CEP250: variants seen among roughly 807,000 people sequenced by gnomAD.
CEP250 encodes centrosomal protein 250.
Under a neutral mutation model 315.7 loss-of-function variants are expected in CEP250, and 242 were observed. That is an observed-to-expected ratio of 0.77 (90% CI 0.69 to 0.85). CEP250 has a LOEUF of 0.85. Among genes scored for constraint, CEP250 ranks in the 40% least tolerant of loss-of-function variants. CEP250 has a pLI of 0.00. For synonymous variants in CEP250, 1,088 were observed against 1,175.0 expected, an observed-to-expected ratio of 0.93 and a Z score of 1.51; for missense variants, 2,515 against 2,886.4, an observed-to-expected ratio of 0.87 and a Z score of 2.95.
At position 35,500,120 on chromosome 20, in the gene CEP250, CCA is replaced by C; in HGVS notation, c.3854_3855del (p.Thr1285ArgfsTer18). The part of the protein sequence containing the change: ...TDTEAEKSQV[H>X]TELQDLQRQL... ...ATACTGAGGCTGAGAAGAGCCAGGT[CCA>C]CACAGAGTTGCAGGATCTGCAGAGA... On this transcript the variant is annotated frameshift_variant, in exon 28 of 35. Transcript: ENST00000397527. LOFTEE classifies it high-confidence loss of function. The C allele has an allele frequency of 6.2e-7, 1 of 1,613,580 alleles. No individual in the cohort carries two copies. Among genetic ancestry groups the C allele is most frequent in the Middle Eastern group, 1.7e-4 (1 of 6,058 alleles).
rs373402225 is a variant in CEP250, at chr20:35,511,272, A to G, written c.7066-91A>G. The stretch of plus-strand genomic sequence containing the variant: ...TAGAGTTGATTCAGATGATCAGCCA[A>G]CGAGCTTCAGAGAACACAGAGCAGG... On this transcript the variant is annotated intron_variant, in intron 34 of 34. Coordinates refer to ENST00000397527, the MANE Select transcript of CEP250 (RefSeq NM_007186.6). 56 of 1,141,490 alleles carry G rather than the reference A, an allele frequency of 4.9e-5. 2 individuals are homozygous for G. In the African/African-American group the frequency reaches 4.9e-4, roughly 10 times the overall value. The allele number at this position is 1,141,490 out of a possible 1,614,324, so 70.7% of individuals were successfully genotyped here. A position where few individuals can be genotyped will look rare whatever the true frequency, so the allele number is the denominator to read the frequency against.
intron 25 of CEP250, 121 bp downstream of exon 25, chr20:35,496,836 T>C (rs2063850562): frequency 6.8e-5 from 76 of 1,115,998 alleles, no homozygotes; most frequent in Non-Finnish European, 9.4e-5. Context: ...GATTACAGGA[T>C]AGGCTGGTGC....
At position 35,473,557 on chromosome 20, in the gene CEP250, G is replaced by A; in HGVS notation, c.1388+5G>A. 1 of 1,605,596 alleles carries A rather than the reference G, an allele frequency of 6.2e-7. No homozygotes were observed. The highest frequency in any genetic ancestry group is 2.2e-5 in the East Asian group (1 of 44,726). ...AGAGGTGGACTCTCTCAGCAAGTGA[G>A]CAGACGGGCTGTTCATCCCACCCTC... On this transcript the variant is annotated splice_donor_5th_base_variant and intron_variant, in intron 13 of 34. Transcript: ENST00000397527.
rs2062774291 is a variant in CEP250, at chr20:35,462,320, C to T, written c.-48C>T. On this transcript the variant is annotated 5_prime_UTR_variant, in exon 4 of 35. Coordinates refer to ENST00000397527, the MANE Select transcript of CEP250 (RefSeq NM_007186.6). ...GGTTAGAGACCCTGCTGGGCGTGAA[C>T]ACCCTCTGGCTACCTAGGGACCTGT... is the stretch of plus-strand genomic sequence containing the variant. The T allele has an allele frequency of 6.7e-7, 1 of 1,489,680 alleles. No individual in the cohort carries two copies. Among genetic ancestry groups the T allele is most frequent in the Non-Finnish European group, 9.1e-7 (1 of 1,099,102 alleles). The allele number at this position is 1,489,680 out of a possible 1,614,324, so 92.3% of individuals were successfully genotyped here. A position where few individuals can be genotyped will look rare whatever the true frequency, so the allele number is the denominator to read the frequency against.
rs1317371674 is a variant in CEP250, at chr20:35,518,238, C to T, written c.*6612C>T. On this transcript the variant is annotated 3_prime_UTR_variant, in exon 35 of 35. Coordinates refer to ENST00000397527, the MANE Select transcript of CEP250 (RefSeq NM_007186.6). ...CGGGTCCAGTATCTGGACACGAGGC[C>T]GCACTACCTACACCTTTGGGGATTC... 1.3e-5 allele frequency: 2 copies of T among 151,806 alleles called. No homozygotes were observed. The highest frequency in any genetic ancestry group is 2.9e-5 in the Non-Finnish European group (2 of 67,974). 9.4% of individuals were successfully genotyped at this position (151,806 alleles called of 1,614,324 possible).
At position 35,511,336 on chromosome 20, in the gene CEP250, C is replaced by A. The variant is rs2064350318; in HGVS notation, c.7066-27C>A. The A allele has an allele frequency of 2.7e-6, 3 of 1,102,044 alleles. No homozygotes were observed. In the South Asian group the frequency reaches 4.7e-5, roughly 17 times the overall value. The allele number at this position is 1,102,044 out of a possible 1,614,324, so 68.3% of individuals were successfully genotyped here. ...ACTTCAGGGCCCTCAGCTGCTCTCG[C>A]TTTTTTTTTTTTTTCCTGCCCACCA... is the stretch of plus-strand genomic sequence containing the variant. On this transcript the variant is annotated intron_variant, in intron 34 of 34. Transcript: ENST00000397527.
At position 35,503,918 on chromosome 20, in the gene CEP250, C is replaced by A. The variant is rs2064098610; in HGVS notation, c.5549C>A (p.Ala1850Asp). 6.2e-7 allele frequency: 1 copy of A among 1,613,682 alleles called. No homozygotes were observed. The highest frequency in any genetic ancestry group is 1.1e-5 in the South Asian group (1 of 91,042). The change falls in exon 30 of 35, where the codon GCC becomes GAC. Residue 1850 changes from alanine (A) to aspartate (D), a missense_variant. Physicochemically the swap from Ala to Asp is moderately radical, Grantham distance 126. Coordinates refer to ENST00000397527, the MANE Select transcript of CEP250 (RefSeq NM_007186.6). The surrounding 1 kb of genome is among the most constrained non-coding windows in gnomAD (Gnocchi z 4.2). ...GCCCTCCAGGGAGCTCTGGAGCAAG[C>A]CCATATGACACTGAAGGAGCGTCAT... is the stretch of plus-strand genomic sequence containing the variant. ...ADALQGALEQAHMTLKERHGE... is the reference protein window; with the variant it reads ...ADALQGALEQDHMTLKERHGE...
chr20:35,490,139 C>T (rs2063643477), intron 20 of CEP250, among the ~76,000 whole-genome samples: 2 of 152,050 alleles, frequency 1.3e-5, no homozygotes, highest in South Asian at 4.1e-4. Context: ...ATGTTGAAAC[C>T]CCATCTCTAC....
chr20:35,510,468 A>T (rs1601328292), intron 34 of CEP250, among the ~76,000 whole-genome samples: 1 of 152,336 alleles, frequency 6.6e-6, no homozygotes, highest in Non-Finnish European at 1.5e-5. Context: ...TCCAGGCCAC[A>T]CAGCTCAGCT....
Position 35,465,796 on chromosome 20 carries a change from G to T in CEP250, c.297G>T (p.Leu99=). 6.2e-7 allele frequency: 1 copy of T among 1,610,108 alleles called. No individual in the cohort carries two copies. The highest frequency in any genetic ancestry group is 8.5e-7 in the Non-Finnish European group (1 of 1,178,670). Residue 99 remains leucine (L), a synonymous_variant, in exon 6 of 35, where the codon CTG becomes CTT. Transcript: ENST00000397527. ...TGGAGGAGCCAAACCTGGATGAGCT[G>T]CTGGTCCGATTGGAGGAGGAGCAAC... ...ENVEEPNLDE[L]LVRLEEEQQR...
At chr20:35,492,121 G>C (rs1283422185) in intron 22 of CEP250, among the ~76,000 whole-genome samples, 1 of 152,134 alleles carries the variant, frequency 6.6e-6, no homozygotes, top group African/African-American at 2.4e-5. Flanking sequence ...GTCAGGGAAG[G>C]CCTCACTGAG....
intron 22 of CEP250, among the ~76,000 whole-genome samples, 176 bp downstream of exon 22, chr20:35,491,522 A>C (rs939203559): frequency 6.6e-6 from 1 of 152,170 alleles, no homozygotes; most frequent in African/African-American, 2.4e-5. Context: ...TAATCCCAGC[A>C]CTTTGGCAGG....
chr20:35,504,407 G>T lies in CEP250; in HGVS notation c.6038G>T (p.Arg2013Leu). 2 of 1,606,072 alleles carry T rather than the reference G, an allele frequency of 1.2e-6. No individual in the cohort carries two copies. Among genetic ancestry groups the T allele is most frequent in the Non-Finnish European group, 1.7e-6 (2 of 1,176,324 alleles). ...CTGGATGCCTGCCAGGCACACAGTC[G>T]GCAGCTGGAGGAGGCTCTGAGGATA... ...ASLDACQAHSRQLEEALRIQE... is the reference protein window; with the variant it reads ...ASLDACQAHSLQLEEALRIQE... Residue 2013 changes from arginine to leucine, a missense_variant, in exon 30 of 35, where the codon CGG (arginine) becomes CTG (leucine). Coordinates refer to ENST00000397527, the MANE Select transcript of CEP250 (RefSeq NM_007186.6).
rs918393908 is a variant in CEP250 at position 35,502,620 on chromosome 20, G to A, written c.4251G>A (p.Lys1417=). The part of the protein sequence containing the change: ...EQGELKVAQG[K]ALQENLALLT... ...GCGAACTGAAGGTGGCCCAAGGGAA[G>A]GCTCTGCAAGAGAATTTGGCCCTCC... The change falls in exon 30 of 35, where the codon AAG becomes AAA. Residue 1417 remains lysine, a synonymous_variant. Transcript: ENST00000397527. 1.9e-6 allele frequency: 3 copies of A among 1,614,146 alleles called. No homozygotes were observed. Among genetic ancestry groups the A allele is most frequent in the African/African-American group, 2.7e-5 (2 of 74,954 alleles).
At chr20:35,476,634 G>A in intron 16 of CEP250, 39 bp downstream of exon 16, 4 of 1,593,528 alleles carry the variant, frequency 2.5e-6, no homozygotes, top group South Asian at 1.1e-5. Flanking sequence ...GAAGGGCTGG[G>A]CCCTAACTGA....
intron 10 of CEP250, 89 bp from the exon 11 acceptor site, chr20:35,471,961 A>G: frequency 2.6e-6 from 2 of 780,156 alleles, no homozygotes; most frequent in Non-Finnish European, 4.5e-6. Flanking sequence ...TAGAATAGAC[A>G]GAATGAGACT....
intron 30 of CEP250, among the ~76,000 whole-genome samples, chr20:35,506,103 A>T (rs1228558779): frequency 6.6e-6 from 1 of 152,018 alleles, no homozygotes; most frequent in African/African-American, 2.4e-5. Flanking sequence ...AGGTGGGAGG[A>T]ATAAAGAGAG....
intron 4 of CEP250, among the ~76,000 whole-genome samples, chr20:35,463,152 C>T (rs2062794942): frequency 6.6e-6 from 1 of 152,180 alleles, no homozygotes; most frequent in African/African-American, 2.4e-5. Flanking sequence ...CCTGTAATCC[C>T]AGAATTTTGG....
intron 3 of CEP250, among the ~76,000 whole-genome samples, chr20:35,461,583 C>G (rs2062757767): frequency 6.6e-6 from 1 of 152,206 alleles, no homozygotes; most frequent in Non-Finnish European, 1.5e-5. Context: ...TGCCTGCTAC[C>G]CCTTTTCTTT....
Sources: allele counts gnomAD v4.1 joint callset (sites outside exome capture counted in the v4.1 genomes callset), GRCh38; gene constraint gnomAD v4.1.1; non-coding constraint Gnocchi (gnomAD v3.1); transcripts MANE v1.5; gene names NCBI Gene and HGNC (gene_info 2026-07-23, HGNC 2026-07-21).